The following VKORC1L1 variants were observed in gnomAD, a reference collection of about 807,000 sequenced individuals.
The protein encoded by VKORC1L1 is vitamin K epoxide reductase complex subunit 1-like protein 1.
VKORC1L1 carries 2 observed loss-of-function variants against 18.9 expected under a neutral mutation model. That is an observed-to-expected ratio of 0.11 (90% CI 0.04 to 0.33). The LOEUF (loss-of-function observed/expected upper bound fraction) is 0.33, where lower values mean the gene tolerates loss of function less well. VKORC1L1 is among the 10% of genes least tolerant of loss of function. VKORC1L1 has a pLI of 1.00. For missense variants in VKORC1L1, 123 were observed against 224.1 expected (o/e 0.55, Z 2.88); for synonymous variants, 96 against 100.0 (o/e 0.96, Z 0.24).
At chr7:65,922,966 A>AT in intron 1 of VKORC1L1, among the ~76,000 whole-genome samples, 1 of 151,872 alleles carries the variant, frequency 6.6e-6, no homozygotes, top group Non-Finnish European at 1.5e-5. Flanking sequence ...AATTTTAACC[A>AT]TTATCTCTCT....
intron 1 of VKORC1L1, among the ~76,000 whole-genome samples, chr7:65,919,080 C>A (rs966957954): frequency 1.3e-5 from 2 of 152,158 alleles, no homozygotes; most frequent in Admixed American, 6.5e-5. Context: ...AGAGCGAGAC[C>A]CTTTCTCAAA....
intron 1 of VKORC1L1, among the ~76,000 whole-genome samples, chr7:65,912,035 G>T (rs1389607262): frequency 6.6e-6 from 1 of 152,122 alleles, no homozygotes; most frequent in African/African-American, 2.4e-5. Flanking sequence ...AAAGGGGGAG[G>T]ACTGATTGAG....
chr7:65,900,380 G>A (rs1420764857), intron 1 of VKORC1L1, among the ~76,000 whole-genome samples: 2 of 150,738 alleles, frequency 1.3e-5, no homozygotes, highest in Admixed American at 1.3e-4. Context: ...GGGTGACAGA[G>A]CGAGGCTCTA....
At chr7:65,928,304 T>C (rs1316812161) in intron 1 of VKORC1L1, among the ~76,000 whole-genome samples, 1 of 148,412 alleles carries the variant, frequency 6.7e-6, no homozygotes, top group Admixed American at 6.8e-5. Flanking sequence ...ATACCCAGGC[T>C]GGTCTTGAAC....
At position 65,954,702 on chromosome 7, in the gene VKORC1L1, A is replaced by G. The variant is rs1452302053; in HGVS notation, c.*402A>G. ...GAAAATATTCTAGAATAGATACTGT[A>G]TTAAATATTGCCATGTTTACAATAT... On this transcript the variant is annotated 3_prime_UTR_variant, in exon 3 of 3. Coordinates refer to ENST00000360768, the MANE Select transcript of VKORC1L1 (RefSeq NM_173517.6). 4.7e-6 allele frequency: 1 copy of G among 214,318 alleles called. No individual in the cohort carries two copies. The highest frequency in any genetic ancestry group is 5.2e-5 in the Admixed American group (1 of 19,190). The allele number at this position is 214,318 out of a possible 1,614,324, so 13.3% of individuals were successfully genotyped here. A position where few individuals can be genotyped will look rare whatever the true frequency, so the allele number is the denominator to read the frequency against.
At chr7:65,937,877 A>T (rs1042300012) in intron 1 of VKORC1L1, among the ~76,000 whole-genome samples, 1 of 152,214 alleles carries the variant, frequency 6.6e-6, no homozygotes, top group African/African-American at 2.4e-5. Context: ...AACTTAAAAT[A>T]AACATAAATT....
intron 1 of VKORC1L1, among the ~76,000 whole-genome samples, chr7:65,916,639 C>T (rs1789594300): frequency 6.6e-6 from 1 of 151,074 alleles, no homozygotes; most frequent in African/African-American, 2.4e-5. Flanking sequence ...GCTCTTGTTG[C>T]CCAGGCTGGA....
chr7:65,870,265 GAAA>G (rs58681634), upstream of VKORC1L1, among the ~76,000 whole-genome samples: 6 of 110,402 alleles, frequency 5.4e-5, no homozygotes, highest in African/African-American at 1.6e-4. Flanking sequence ...ACTAAGTACA[GAAA>G]AAAAAAAAAA....
intron 1 of VKORC1L1, among the ~76,000 whole-genome samples, chr7:65,895,481 ATAT>A (rs1270178983): frequency 9.9e-3 from 234 of 23,552 alleles, no homozygotes; most frequent in Non-Finnish European, 0.013. Flanking sequence ...AAAAAAAAAA[ATAT>A]ATATATATAT....
chr7:65,915,082 CTTTTTTTTTTCTT>C (rs1789564258), intron 1 of VKORC1L1, among the ~76,000 whole-genome samples: 1 of 141,048 alleles, frequency 7.1e-6, no homozygotes, highest in South Asian at 2.2e-4. Flanking sequence ...TATTTTTTTT[CTTTTTTTTTTCTT>C]TTTTTTTTTT....
At chr7:65,905,367 G>A (rs1323792315) in intron 1 of VKORC1L1, among the ~76,000 whole-genome samples, 6 of 151,930 alleles carry the variant, frequency 3.9e-5, no homozygotes, top group Non-Finnish European at 8.8e-5. Flanking sequence ...CTGGAGTGCA[G>A]TGGCGCGATC....
upstream of VKORC1L1, among the ~76,000 whole-genome samples, chr7:65,869,718 A>G (rs1224837697): frequency 7.2e-6 from 1 of 139,130 alleles, no homozygotes; most frequent in African/African-American, 2.7e-5. Context: ...TGGCATGATC[A>G]TAGCTCACTG....
chr7:65,900,667 T>C (rs1353550590), intron 1 of VKORC1L1, among the ~76,000 whole-genome samples: 1 of 151,994 alleles, frequency 6.6e-6, no homozygotes, highest in African/African-American at 2.4e-5. Flanking sequence ...GAACTGGGTG[T>C]TGTGGCACAT....
At chr7:65,933,419 A>G (rs1483214851) in intron 1 of VKORC1L1, among the ~76,000 whole-genome samples, 1 of 151,758 alleles carries the variant, frequency 6.6e-6, no homozygotes, top group Non-Finnish European at 1.5e-5. Context: ...TGGAGACTAC[A>G]TTTTCTGGTA....
At chr7:65,932,099 G>A (rs1289991151) in intron 1 of VKORC1L1, among the ~76,000 whole-genome samples, 5 of 151,604 alleles carry the variant, frequency 3.3e-5, no homozygotes, top group East Asian at 3.9e-4. Context: ...CTTTGGGTTT[G>A]TTGTTGTTGT....
intron 1 of VKORC1L1, among the ~76,000 whole-genome samples, chr7:65,920,801 G>A (rs1789662944): frequency 6.6e-6 from 1 of 151,002 alleles, no homozygotes; most frequent in South Asian, 2.1e-4. Context: ...TTCAAGGCCA[G>A]CCTGGGCAAC....
At chr7:65,947,751 T>C (rs1790145700) in intron 1 of VKORC1L1, among the ~76,000 whole-genome samples, 1 of 151,990 alleles carries the variant, frequency 6.6e-6, no homozygotes, top group Non-Finnish European at 1.5e-5. Context: ...AGTGCAGTGG[T>C]GCAGTCTCGG....
intron 1 of VKORC1L1, among the ~76,000 whole-genome samples, chr7:65,937,587 T>C (rs1020441692): frequency 6.6e-6 from 1 of 152,086 alleles, no homozygotes; most frequent in African/African-American, 2.4e-5. Flanking sequence ...TTTGTTTGTT[T>C]GTTTCGGTAG....
intron 1 of VKORC1L1, among the ~76,000 whole-genome samples, chr7:65,936,341 G>T (rs1789942035): frequency 6.6e-6 from 1 of 152,040 alleles, no homozygotes; most frequent in Non-Finnish European, 1.5e-5. Flanking sequence ...CTAGTTCTTT[G>T]TATGTCATAT....
Sources: allele counts gnomAD v4.1 joint callset (sites outside exome capture counted in the v4.1 genomes callset), GRCh38; gene constraint gnomAD v4.1.1; transcripts MANE v1.5; gene names NCBI Gene and HGNC (gene_info 2026-07-23, HGNC 2026-07-21).